The following NECTIN4 variants were observed in gnomAD, a reference collection of about 807,000 sequenced individuals.
NECTIN4 encodes nectin cell adhesion molecule 4.
Under a neutral mutation model 51.7 loss-of-function variants are expected in NECTIN4, and 19 were observed. The observed-to-expected ratio is 0.37, with a 90% CI of 0.26 to 0.54. NECTIN4 has a LOEUF of 0.54. NECTIN4 is among the 20% of genes least tolerant of loss of function. The pLI, the probability that NECTIN4 is intolerant of heterozygous loss-of-function variation, is 0.86. For synonymous variants in NECTIN4, 283 were observed against 286.9 expected (o/e 0.99, Z 0.14); for missense variants, 619 against 662.4 (o/e 0.93, Z 0.72).
chr1:161,074,846 AC>A (rs1312439104), intron 4 of NECTIN4, 87 bp from the exon 5 acceptor site: 2 of 1,418,066 alleles, frequency 1.4e-6, no homozygotes, highest in Non-Finnish European at 1.9e-6. Context: ...TCCACCCTCC[AC>A]CCCCATGACG....
At position 161,073,769 on chromosome 1, in the gene NECTIN4, T is replaced by C. The variant is rs374725018; in HGVS notation, c.1184A>G (p.Glu395Gly). Residue 395 changes from glutamate (E) to glycine (G), a missense_variant, in exon 7 of 9, where the codon GAG (glutamate) becomes GGG (glycine). Transcript: ENST00000368012. ...GGAATGCAGCCTCCGGATGGAGTTC[T>C]CCCTGGTCAGGGTCAGCTCCTCCTC... ...KYEEELTLTR[E>G]NSIRRLHSHH... 8.1e-6 allele frequency: 13 copies of C among 1,614,056 alleles called. No individual in the cohort carries two copies. The highest frequency in any genetic ancestry group is 1.3e-5 in the African/African-American group (1 of 74,932).
intron 3 of NECTIN4, among the ~76,000 whole-genome samples, chr1:161,076,816 T>C (rs1653432673): frequency 6.6e-6 from 1 of 152,240 alleles, no homozygotes; most frequent in South Asian, 2.1e-4. Context: ...GTTGCCTGAT[T>C]TTTCAAAGGT....
At chr1:161,082,197 C>T (rs575233994) in intron 1 of NECTIN4, among the ~76,000 whole-genome samples, 3 of 152,086 alleles carry the variant, frequency 2.0e-5, no homozygotes, top group South Asian at 2.1e-4. Context: ...GGCGTGGTGG[C>T]GGGCGCCTGT....
chr1:161,087,562 A>T (rs1654003968), intron 1 of NECTIN4: 1 of 151,380 alleles, frequency 6.6e-6, no homozygotes, highest in Admixed American at 6.6e-5. Context: ...ACTTAGAGTG[A>T]GAACACCAAG....
intron 4 of NECTIN4, among the ~76,000 whole-genome samples, chr1:161,075,637 T>C (rs933527026): frequency 6.6e-6 from 1 of 152,054 alleles, no homozygotes; most frequent in Non-Finnish European, 1.5e-5. Context: ...CTGGGCATGC[T>C]GGCACACACC....
chr1:161,074,410 G>A lies in NECTIN4; in HGVS notation c.1001-37C>T, dbSNP rs763593962. ...AGGCCACTGTCTGAGGTGGAAGCCT[G>A]CAGCCACAACCCACCCCAGACCTCA... On this transcript the variant is annotated intron_variant, in intron 5 of 8. Transcript: ENST00000368012. The A allele has an allele frequency of 2.5e-6, 4 of 1,612,674 alleles. No individual in the cohort carries two copies. In the East Asian group the frequency reaches 8.9e-5, roughly 36 times the overall value.
intron 1 of NECTIN4, among the ~76,000 whole-genome samples, chr1:161,081,110 A>T (rs944340711): frequency 6.6e-5 from 10 of 152,172 alleles, no homozygotes; most frequent in African/African-American, 2.2e-4. Context: ...CTTGTTTAGG[A>T]AGCAAAGAGG....
rs1163690795 is a variant in NECTIN4 at position 161,074,955 on chromosome 1, A to AC, written c.852-197dup. Among the ~76,000 whole-genome samples the AC allele has an allele frequency of 4.0e-5, 6 of 151,256 alleles. No homozygotes were observed. In the South Asian group the frequency reaches 1.3e-3, roughly 32 times the overall value. ...CCCTGCTGCCCAGCCTGACCTGGGC[A>AC]CCCCCCACACACACCCGGGGAAGAT... On this transcript the variant is annotated intron_variant, in intron 4 of 8. Transcript: ENST00000368012.
At chr1:161,077,112 C>T (rs1314193382) in intron 3 of NECTIN4, among the ~76,000 whole-genome samples, 1 of 152,192 alleles carries the variant, frequency 6.6e-6, no homozygotes, top group African/African-American at 2.4e-5. Context: ...TGAATAACAG[C>T]TGGTAAGTAG....
chr1:161,079,716 G>A lies in NECTIN4; in HGVS notation c.313C>T (p.Arg105Cys), dbSNP rs748031062. 3.1e-6 allele frequency: 5 copies of A among 1,609,214 alleles called. No individual in the cohort carries two copies. Among genetic ancestry groups the A allele is most frequent in the Non-Finnish European group, 4.2e-6 (5 of 1,179,778 alleles). The change falls in exon 2 of 9, where the codon CGC becomes TGC. Residue 105 changes from arginine to cysteine, a missense_variant. By Grantham distance (180) the Arg-to-Cys change is radical. Transcript: ENST00000368012. ...AGCACTGAGCCGTCCAGGGGGTTGC[G>A]TGGGGGCGGCGGCTGCTCCACGCGG... Reference protein sequence around the residue: ...EGRVEQPPPPRNPLDGSVLLR... With the variant: ...EGRVEQPPPPCNPLDGSVLLR...
In NECTIN4 at chr1:161,072,709, C is replaced by T; in HGVS notation, c.1485G>A (p.Lys495=). 1 of 1,614,258 alleles carries T rather than the reference C, an allele frequency of 6.2e-7. No individual in the cohort carries two copies. The highest frequency in any genetic ancestry group is 8.5e-7 in the Non-Finnish European group (1 of 1,180,048). The change falls in exon 9 of 9, where the codon AAG becomes AAA. Residue 495 remains lysine, a synonymous_variant. Transcript: ENST00000368012. The stretch of plus-strand genomic sequence containing the variant: ...TGATGTAGATGCCATTGCCCGTGGG[C>T]TTGGCCCGTAGGGTCCCATTCTCCT... The part of the protein sequence containing the change: ...FVQENGTLRA[K]PTGNGIYING...
In NECTIN4 at chr1:161,089,550, AACG is replaced by A; in HGVS notation, c.-257_-255del. ...AGCTGCTTCCCACGCTGTGGCCAAC[AACG>A]ACGGCAGAAACCTGGGAACCTGCTC... On this transcript the variant is annotated 5_prime_UTR_variant, in exon 1 of 9. Coordinates refer to ENST00000368012, the MANE Select transcript of NECTIN4 (RefSeq NM_030916.3). The surrounding 1 kb of genome is among the most constrained non-coding windows in gnomAD (Gnocchi z 4.1). The A allele has an allele frequency of 1.9e-6, 1 of 539,798 alleles. No homozygotes were observed. 33.4% of individuals were successfully genotyped at this position (539,798 alleles called of 1,614,324 possible).
intron 1 of NECTIN4, chr1:161,084,352 G>A (rs556526811): frequency 7.2e-5 from 11 of 152,340 alleles, no homozygotes; most frequent in Admixed American, 4.6e-4. Context: ...TTGTCTCGCG[G>A]AACTCTGCAC....
chr1:161,076,626 C>T (rs1370426864), intron 3 of NECTIN4, 151 bp from the exon 4 acceptor site: 4 of 1,042,304 alleles, frequency 3.8e-6, no homozygotes, highest in Non-Finnish European at 5.8e-6. Flanking sequence ...TAGCTCAGCC[C>T]CACCCTGCTG....
intron 1 of NECTIN4, among the ~76,000 whole-genome samples, chr1:161,081,854 G>C (rs1241623795): frequency 8.8e-6 from 1 of 113,732 alleles, no homozygotes; most frequent in Non-Finnish European, 1.7e-5. Flanking sequence ...GTGCTCCCCA[G>C]CACCCTGCTT....
chr1:161,073,637 CCTGGT>C, intron 7 of NECTIN4, 78 bp downstream of exon 7: 1 of 1,201,912 alleles, frequency 8.3e-7, no homozygotes, highest in Non-Finnish European at 1.2e-6. Flanking sequence ...GAGCTGTGCT[CCTGGT>C]CTGCAGAGGG....
chr1:161,080,796 G>C (rs1459099217), intron 1 of NECTIN4, among the ~76,000 whole-genome samples: 2 of 152,184 alleles, frequency 1.3e-5, no homozygotes, highest in Non-Finnish European at 2.9e-5. Flanking sequence ...TGGAATCAGA[G>C]CTATCCATCA....
intron 5 of NECTIN4, 43 bp downstream of exon 5, chr1:161,074,568 C>T: frequency 1.2e-6 from 2 of 1,613,312 alleles, no homozygotes; most frequent in Non-Finnish European, 1.7e-6. Flanking sequence ...CCACCAAGCC[C>T]TTGGCCCAGG....
rs376047872 is a variant in NECTIN4, at chr1:161,076,344, C to T, written c.851+11G>A. 35 of 1,613,906 alleles carry T rather than the reference C, an allele frequency of 2.2e-5. No individual in the cohort carries two copies. In the African/African-American group the frequency reaches 3.1e-4, roughly 14 times the overall value. On this transcript the variant is annotated intron_variant, in intron 4 of 8. Transcript: ENST00000368012. ...TCTCAAGTTAGGCCTTCCTCAGGCT[C>T]GGGCCCTTACCGTGTCCAGTTGTAT...
Sources: gnomAD v4.1 joint callset for allele counts (sites outside exome capture counted in the v4.1 genomes callset) on GRCh38, gnomAD v4.1.1 for gene constraint, Gnocchi (gnomAD v3.1) non-coding constraint, MANE v1.5 for transcripts, NCBI Gene and HGNC (gene_info 2026-07-23, HGNC 2026-07-21) for gene names.